CDKAL1: variants seen among roughly 807,000 people sequenced by gnomAD.
The protein encoded by CDKAL1 is threonylcarbamoyladenosine tRNA methylthiotransferase.
A neutral mutation model predicts 68.2 loss-of-function variants in CDKAL1; 32 were observed. That is an observed-to-expected ratio of 0.47 (90% CI 0.35 to 0.63). CDKAL1 has a LOEUF of 0.63. CDKAL1 is among the 30% of genes least tolerant of loss of function. The probability of loss-of-function intolerance (pLI) is 0.00; values close to 1 mark genes in which losing one functional copy is unlikely to be tolerated. For missense variants in CDKAL1, 606 were observed against 696.7 expected, an observed-to-expected ratio of 0.87 and a Z score of 1.47; for synonymous variants, 234 against 244.3, an observed-to-expected ratio of 0.96 and a Z score of 0.39.
intron 9 of CDKAL1, among the ~76,000 whole-genome samples, chr6:20,915,303 C>T (rs1222587430): frequency 1.3e-5 from 2 of 152,136 alleles, no homozygotes; most frequent in African/African-American, 2.4e-5. Context: ...TGTTTACACA[C>T]ACACACCCCC....
chr6:20,826,759 A>G (rs1448578467), intron 8 of CDKAL1, among the ~76,000 whole-genome samples: 1 of 152,214 alleles, frequency 6.6e-6, no homozygotes, highest in Non-Finnish European at 1.5e-5. Context: ...GTTTATAAGT[A>G]TTCTGATTAA....
At chr6:20,886,843 TAAATGTCCCAG>T (rs1761091443) in intron 9 of CDKAL1, among the ~76,000 whole-genome samples, 2 of 152,274 alleles carry the variant, frequency 1.3e-5, no homozygotes, top group South Asian at 4.1e-4. Flanking sequence ...GTGAATGTAA[TAAATGTCCCAG>T]AAATGTAAAA....
At position 21,170,213 on chromosome 6, in the gene CDKAL1, A is replaced by C. The variant is rs181088470; in HGVS notation, c.1300-27808A>C. ...GACCATATTTTACTGTCTGCAGAAG[A>C]AGCACTGGTGGGATGAATCACCTCC... On this transcript the variant is annotated intron_variant, in intron 13 of 15. Coordinates refer to ENST00000274695, the MANE Select transcript of CDKAL1 (RefSeq NM_017774.3). Among the ~76,000 whole-genome samples, 60 of 152,358 alleles carry C rather than the reference A, an allele frequency of 3.9e-4. 1 individual carries two copies. In the East Asian group the frequency reaches 6.4e-3, roughly 16 times the overall value.
At chr6:20,609,300 C>CCTTCTTCTCCTTCTTCTCCTT (rs146820654) in intron 4 of CDKAL1, among the ~76,000 whole-genome samples, 3 of 144,778 alleles carry the variant, frequency 2.1e-5, no homozygotes, top group African/African-American at 7.8e-5. Flanking sequence ...TTCTCCTTCT[C>CCTTCTTCTCCTTCTTCTCCTT]CTCCTCCTCC....
At chr6:21,155,480 G>A (rs892517856) in intron 13 of CDKAL1, among the ~76,000 whole-genome samples, 1 of 152,144 alleles carries the variant, frequency 6.6e-6, no homozygotes, top group Non-Finnish European at 1.5e-5. Context: ...TTTGAGGAGC[G>A]CCTGGAGAAG....
At chr6:21,077,509 C>T (rs1772136471) in intron 12 of CDKAL1, among the ~76,000 whole-genome samples, 1 of 152,222 alleles carries the variant, frequency 6.6e-6, no homozygotes, top group Non-Finnish European at 1.5e-5. Context: ...GCTCATGGTT[C>T]TGCAGGCTTT....
At chr6:21,228,938 G>A (rs374762082) in intron 15 of CDKAL1, among the ~76,000 whole-genome samples, 2 of 152,146 alleles carry the variant, frequency 1.3e-5, no homozygotes, top group African/African-American at 2.4e-5. Context: ...ACAGGTCTTC[G>A]TGCACCACTG....
At chr6:20,875,564 C>A (rs1464401432) in intron 9 of CDKAL1, among the ~76,000 whole-genome samples, 1 of 152,010 alleles carries the variant, frequency 6.6e-6, no homozygotes, top group African/African-American at 2.4e-5. Flanking sequence ...AAGATTGATT[C>A]CAGGAGAGGG....
intron 9 of CDKAL1, among the ~76,000 whole-genome samples, chr6:20,944,808 TG>T (rs1764156537): frequency 6.6e-6 from 1 of 152,240 alleles, no homozygotes; most frequent in South Asian, 2.1e-4. Flanking sequence ...GTTATTATAA[TG>T]GTATTAAAAT....
At chr6:21,000,544 C>G (rs981854400) in intron 11 of CDKAL1, among the ~76,000 whole-genome samples, 172 bp downstream of exon 11, 1 of 152,030 alleles carries the variant, frequency 6.6e-6, no homozygotes, top group Admixed American at 6.6e-5. Context: ...TTTTTTCTTT[C>G]TCCTCAGTTT....
chr6:21,020,656 G>A (rs889646321), intron 11 of CDKAL1, among the ~76,000 whole-genome samples: 4 of 151,846 alleles, frequency 2.6e-5, no homozygotes, highest in Admixed American at 6.6e-5. Flanking sequence ...TAGTAGAGAC[G>A]GGGTTTCTCC....
At chr6:21,205,271 A>G (rs1778860099) in intron 15 of CDKAL1, among the ~76,000 whole-genome samples, 1 of 152,226 alleles carries the variant, frequency 6.6e-6, no homozygotes, top group South Asian at 2.1e-4. Context: ...ATGGGTGCAC[A>G]GATATCTCTT....
intron 4 of CDKAL1, among the ~76,000 whole-genome samples, chr6:20,644,012 A>C (rs1276226918): frequency 6.6e-6 from 1 of 152,098 alleles, no homozygotes; most frequent in Non-Finnish European, 1.5e-5. Context: ...TTTACAAAAT[A>C]CAAAGAGACA....
chr6:20,821,129 T>C (rs1777260343), intron 8 of CDKAL1, among the ~76,000 whole-genome samples: 2 of 151,944 alleles, frequency 1.3e-5, no homozygotes, highest in Admixed American at 1.3e-4. Context: ...CGGTAGGAAA[T>C]GAGACTGGGA....
chr6:20,848,092 A>C (rs552018938), intron 9 of CDKAL1, among the ~76,000 whole-genome samples: 5 of 152,164 alleles, frequency 3.3e-5, no homozygotes, highest in African/African-American at 1.2e-4. Context: ...TCATACTCCT[A>C]TGCAAACATC....
intron 15 of CDKAL1, among the ~76,000 whole-genome samples, chr6:21,211,646 C>T (rs1779151620): frequency 6.6e-6 from 1 of 152,344 alleles, no homozygotes; most frequent in Non-Finnish European, 1.5e-5. Context: ...AGAACATCCA[C>T]ATGGCCCTGT....
chr6:20,606,412 A>C (rs770505884), intron 4 of CDKAL1, among the ~76,000 whole-genome samples: 24 of 152,216 alleles, frequency 1.6e-4, no homozygotes, highest in Non-Finnish European at 3.1e-4. Flanking sequence ...AGAAGAGAAC[A>C]GTTAAGGTCG....
chr6:20,596,360 C>A (rs1765822603), intron 4 of CDKAL1, among the ~76,000 whole-genome samples: 1 of 152,216 alleles, frequency 6.6e-6, no homozygotes, highest in African/African-American at 2.4e-5. Flanking sequence ...GATGCCCTCC[C>A]CAGCGAGGAG....
chr6:21,187,674 A>T (rs571279273), intron 13 of CDKAL1, among the ~76,000 whole-genome samples: 1 of 152,276 alleles, frequency 6.6e-6, no homozygotes, highest in African/African-American at 2.4e-5. Flanking sequence ...TGAAGGTGTG[A>T]GGGAAGTTGG....
Sources: allele counts gnomAD v4.1 joint callset (sites outside exome capture counted in the v4.1 genomes callset), GRCh38; gene constraint gnomAD v4.1.1; transcripts MANE v1.5; gene names NCBI Gene and HGNC (gene_info 2026-07-23, HGNC 2026-07-21).